CSMD1: variants seen among roughly 807,000 people sequenced by gnomAD.
CSMD1 encodes the protein CUB and Sushi multiple domains 1.
In CSMD1, 213 loss-of-function variants were observed where a neutral mutation model predicts 417.5. The observed-to-expected ratio is 0.51, with a 90% CI of 0.46 to 0.57. The LOEUF (loss-of-function observed/expected upper bound fraction) is 0.57. Among genes scored for constraint, CSMD1 ranks in the 20% least tolerant of loss-of-function variants. The pLI is 0.00. For missense variants in CSMD1, 6,923 were observed against 4,529.7 expected (o/e 1.53, Z -15.17); for synonymous variants, 2,862 against 1,736.8 (o/e 1.65, Z -16.11).
intron 1 of CSMD1, among the ~76,000 whole-genome samples, chr8:4,691,749 G>C (rs896034497): frequency 6.6e-6 from 1 of 152,178 alleles, no homozygotes; most frequent in South Asian, 2.1e-4. Context: ...GGAATCTGTA[G>C]CTATCTAGCC....
intron 3 of CSMD1, among the ~76,000 whole-genome samples, chr8:4,159,392 G>C (rs1028515285): frequency 1.3e-5 from 2 of 152,088 alleles, no homozygotes; most frequent in Non-Finnish European, 2.9e-5. Context: ...GATATCTACC[G>C]AGGGGAAAAG....
intron 1 of CSMD1, among the ~76,000 whole-genome samples, chr8:4,832,862 C>T (rs143244383): frequency 3.9e-5 from 6 of 152,154 alleles, no homozygotes; most frequent in South Asian, 2.1e-4. Context: ...TGTGTGAGGG[C>T]GTATGAGAAC....
At chr8:4,061,740 G>T (rs2130740291) in intron 3 of CSMD1, among the ~76,000 whole-genome samples, 1 of 152,242 alleles carries the variant, frequency 6.6e-6, no homozygotes, top group Admixed American at 6.5e-5. Context: ...TTATTCTAAT[G>T]AGTGAGTCAC....
intron 2 of CSMD1, among the ~76,000 whole-genome samples, chr8:4,609,755 G>A (rs1801067513): frequency 6.6e-6 from 1 of 152,096 alleles, no homozygotes; most frequent in Admixed American, 6.6e-5. Flanking sequence ...AAAGAAGCAG[G>A]GATGAAGTAC....
At chr8:4,395,413 G>C (rs1414102358) in intron 3 of CSMD1, among the ~76,000 whole-genome samples, 1 of 150,928 alleles carries the variant, frequency 6.6e-6, no homozygotes, top group Non-Finnish European at 1.5e-5. Context: ...AAGCGCTAAA[G>C]AATCATAAAA....
chr8:4,003,592 A>G (rs1297345950), intron 4 of CSMD1, among the ~76,000 whole-genome samples: 2 of 152,206 alleles, frequency 1.3e-5, no homozygotes, highest in Non-Finnish European at 2.9e-5. Context: ...TTCAAATTAA[A>G]ACAACACTGA....
At chr8:3,739,927 C>G (rs1032921960) in intron 6 of CSMD1, among the ~76,000 whole-genome samples, 1 of 152,138 alleles carries the variant, frequency 6.6e-6, no homozygotes, top group East Asian at 1.9e-4. Context: ...GATATTTTCT[C>G]TAAAAATTAC....
intron 3 of CSMD1, among the ~76,000 whole-genome samples, chr8:4,286,132 A>G (rs1797043884): frequency 6.6e-6 from 1 of 152,078 alleles, no homozygotes; most frequent in Admixed American, 6.6e-5. Flanking sequence ...ATGCGCACAT[A>G]ACGTTTTTAC....
At chr8:4,369,564 G>C (rs982678587) in intron 3 of CSMD1, among the ~76,000 whole-genome samples, 9 of 152,186 alleles carry the variant, frequency 5.9e-5, no homozygotes, top group Non-Finnish European at 1.2e-4. Flanking sequence ...GTATTATTGA[G>C]TGGTTGTCTA....
At chr8:3,413,765 A>T (rs1188933105) in intron 12 of CSMD1, among the ~76,000 whole-genome samples, 1 of 152,176 alleles carries the variant, frequency 6.6e-6, no homozygotes, top group Non-Finnish European at 1.5e-5. Context: ...GATGAGTAAG[A>T]TACTGTTGAC....
At chr8:4,467,728 A>T (rs1001628738) in intron 2 of CSMD1, among the ~76,000 whole-genome samples, 1 of 152,228 alleles carries the variant, frequency 6.6e-6, no homozygotes, top group African/African-American at 2.4e-5. Context: ...TCTCAAGCCC[A>T]ATGGTAAAGC....
intron 3 of CSMD1, among the ~76,000 whole-genome samples, chr8:4,094,146 G>GA (rs1295094142): frequency 1.3e-5 from 2 of 152,062 alleles, no homozygotes; most frequent in South Asian, 2.1e-4. Context: ...GGGGGATGAG[G>GA]GGACACAGCC....
At chr8:3,129,844 C>T (rs909496916) in intron 41 of CSMD1, among the ~76,000 whole-genome samples, 4 of 152,046 alleles carry the variant, frequency 2.6e-5, no homozygotes, top group Non-Finnish European at 5.9e-5. Flanking sequence ...CAAAATTTAG[C>T]CGGGCATGTT....
rs577263579 is a variant in CSMD1 at position 3,780,482 on chromosome 8, G to C, written c.819-26440C>G. On this transcript the variant is annotated intron_variant, in intron 5 of 69. Transcript: ENST00000635120. ...ATGGTTCAAAATTACATCCTGAATC[G>C]AGTATCAGTAACCATTCCATCAAGT... Among the ~76,000 whole-genome samples the C allele has an allele frequency of 1.2e-4, 18 of 152,220 alleles. No homozygotes were observed. In the South Asian group the frequency reaches 3.7e-3, roughly 32 times the overall value.
chr8:3,692,562 G>C (rs1800310590), intron 7 of CSMD1, among the ~76,000 whole-genome samples: 1 of 151,946 alleles, frequency 6.6e-6, no homozygotes, highest in Admixed American at 6.6e-5. Flanking sequence ...AGCCTCCCGA[G>C]CATCTGGGAT....
chr8:3,562,191 G>T (rs756371133), intron 10 of CSMD1, among the ~76,000 whole-genome samples: 1 of 152,110 alleles, frequency 6.6e-6, no homozygotes, highest in African/African-American at 2.4e-5. Flanking sequence ...AAGATGGAAA[G>T]TGAATGTTAA....
intron 49 of CSMD1, among the ~76,000 whole-genome samples, chr8:3,076,360 C>T (rs892488144): frequency 6.6e-6 from 1 of 152,280 alleles, no homozygotes; most frequent in South Asian, 2.1e-4. Flanking sequence ...AGGGTTCACC[C>T]TAATGACTAA....
chr8:4,932,870 A>C lies in CSMD1; in HGVS notation c.85+61462T>G, dbSNP rs570388649. 4.6e-5 allele frequency among the ~76,000 whole-genome samples: 7 copies of C among 152,350 alleles called. No individual in the cohort carries two copies. The East Asian group carries it at 1.3e-3, about 29-fold the overall frequency. ...GTCCTGTCGACGCCTCAAACATAGG[A>C]AAATGCAATATTAATTTTTACTATG... On this transcript the variant is annotated intron_variant, in intron 1 of 69. Transcript: ENST00000635120.
chr8:4,444,939 T>C (rs1379593204), intron 2 of CSMD1, among the ~76,000 whole-genome samples: 1 of 152,204 alleles, frequency 6.6e-6, no homozygotes, highest in Non-Finnish European at 1.5e-5. Flanking sequence ...TTCATTTACA[T>C]AAAATAACTG....
Sources: allele counts gnomAD v4.1 joint callset (sites outside exome capture counted in the v4.1 genomes callset), GRCh38; gene constraint gnomAD v4.1.1; transcripts MANE v1.5; gene names NCBI Gene and HGNC (gene_info 2026-07-23, HGNC 2026-07-21).